KCNQ3: variants seen among roughly 807,000 people sequenced by gnomAD.
The protein encoded by KCNQ3 is potassium voltage-gated channel subfamily Q member 3, also known as potassium voltage-gated channel subfamily KQT member 3.
A neutral mutation model predicts 92.5 loss-of-function variants in KCNQ3; 30 were observed. The observed-to-expected ratio is 0.32, with a 90% CI of 0.24 to 0.44. The LOEUF is 0.44. Ranked by LOEUF, KCNQ3 falls within the 20% of genes least tolerant of loss-of-function variation. The probability of loss-of-function intolerance (pLI) is 1.00; values close to 1 mark genes in which losing one functional copy is unlikely to be tolerated. For missense variants in KCNQ3, 913 were observed against 1,140.3 expected, an observed-to-expected ratio of 0.80 and a Z score of 2.87; for synonymous variants, 450 against 468.8, an observed-to-expected ratio of 0.96 and a Z score of 0.52.
At chr8:132,325,597 G>T in intron 1 of KCNQ3, among the ~76,000 whole-genome samples, 1 of 152,196 alleles carries the variant, frequency 6.6e-6, no homozygotes, top group East Asian at 1.9e-4. Context: ...ACAGAGGAAA[G>T]AAAATGTGAA....
At chr8:132,349,152 A>T (rs1205121722) in intron 1 of KCNQ3, among the ~76,000 whole-genome samples, 1 of 152,166 alleles carries the variant, frequency 6.6e-6, no homozygotes, top group Non-Finnish European at 1.5e-5. Flanking sequence ...TCAGAGCTGG[A>T]AGAGACTCAT....
intron 1 of KCNQ3, among the ~76,000 whole-genome samples, chr8:132,299,453 A>G (rs1817148612): frequency 6.6e-6 from 1 of 152,116 alleles, no homozygotes; most frequent in African/African-American, 2.4e-5. Flanking sequence ...ATTCTGACAA[A>G]CATCCAGGGT....
chr8:132,359,107 T>C (rs1458222799), intron 1 of KCNQ3, among the ~76,000 whole-genome samples: 1 of 152,186 alleles, frequency 6.6e-6, no homozygotes, highest in Non-Finnish European at 1.5e-5. Context: ...ATCTGTCTAT[T>C]GGGAACAGTA....
chr8:132,136,397 G>GT (rs1016339183), intron 12 of KCNQ3, among the ~76,000 whole-genome samples: 21 of 151,828 alleles, frequency 1.4e-4, no homozygotes, highest in African/African-American at 4.6e-4. Context: ...ATAACTGCCC[G>GT]TTTTTACAAA....
chr8:132,163,299 C>A (rs1331221986), intron 9 of KCNQ3, among the ~76,000 whole-genome samples, 169 bp downstream of exon 9: 1 of 152,138 alleles, frequency 6.6e-6, no homozygotes, highest in East Asian at 1.9e-4. Flanking sequence ...TCCCTCAGAT[C>A]AACCAGAAGG....
rs183207978 is a variant in KCNQ3, at chr8:132,239,980, A to T, written c.387-53799T>A. The stretch of plus-strand genomic sequence containing the variant: ...CCTTTGAGGCACTCAGACAGTATTT[A>T]AATATTGATTCTGCTACCTATTTTA... On this transcript the variant is annotated intron_variant, in intron 1 of 14. Transcript: ENST00000388996. Among the ~76,000 whole-genome samples the T allele has an allele frequency of 7.9e-4, 121 of 152,306 alleles. 1 individual carries two copies. Among genetic ancestry groups the T allele is most frequent in the Admixed American group, 3.7e-3 (57 of 15,302 alleles).
intron 1 of KCNQ3, among the ~76,000 whole-genome samples, chr8:132,285,525 A>G (rs6992659): frequency 0.59 from 89,677 of 152,086 alleles, 27,390 homozygotes; most frequent in East Asian, 0.82. Context: ...GTGCTCAGGC[A>G]GATGTATGGT....
intron 1 of KCNQ3, among the ~76,000 whole-genome samples, chr8:132,391,684 TC>T (rs1223110719): frequency 6.6e-6 from 1 of 151,932 alleles, no homozygotes; most frequent in African/African-American, 2.4e-5. Context: ...GAAAACATCT[TC>T]CCCCTCCCAA....
intron 1 of KCNQ3, among the ~76,000 whole-genome samples, chr8:132,411,798 A>C (rs1310512063): frequency 6.6e-6 from 1 of 152,188 alleles, no homozygotes; most frequent in African/African-American, 2.4e-5. Context: ...TTCTCTAAGC[A>C]CAAGGACAAG....
At position 132,142,222 on chromosome 8, in the gene KCNQ3, A is replaced by G. The variant is rs528260411; in HGVS notation, c.1263-891T>C. 2.0e-5 allele frequency among the ~76,000 whole-genome samples: 3 copies of G among 152,314 alleles called. No individual in the cohort carries two copies. The East Asian group carries it at 5.8e-4, about 29-fold the overall frequency. On this transcript the variant is annotated intron_variant, in intron 9 of 14. Transcript: ENST00000388996. ...GGTCCATGGGCTTCATGATACTTCT[A>G]GAAGAGTTCCTGGTACAAAGAAAAT...
chr8:132,203,106 G>A (rs1320314916), intron 1 of KCNQ3, among the ~76,000 whole-genome samples: 1 of 152,122 alleles, frequency 6.6e-6, no homozygotes, highest in Non-Finnish European at 1.5e-5. Context: ...GCAAGAGAGG[G>A]CCAAACTCAC....
chr8:132,443,928 T>C (rs780429075), intron 1 of KCNQ3, among the ~76,000 whole-genome samples: 12 of 152,160 alleles, frequency 7.9e-5, no homozygotes, highest in Non-Finnish European at 1.2e-4. Context: ...CTCAGCACTT[T>C]ATAAATAATA....
chr8:132,239,049 C>T (rs1814906313), intron 1 of KCNQ3, among the ~76,000 whole-genome samples: 1 of 152,182 alleles, frequency 6.6e-6, no homozygotes, highest in African/African-American at 2.4e-5. Flanking sequence ...GACCCAAAGT[C>T]TTGGCAGAAT....
chr8:132,171,913 T>C (rs1217824060), intron 7 of KCNQ3, among the ~76,000 whole-genome samples: 1 of 151,610 alleles, frequency 6.6e-6, no homozygotes, highest in Non-Finnish European at 1.5e-5. Context: ...CCCAGAACTC[T>C]GGGAGGCCAA....
At chr8:132,369,794 A>T (rs144283049) in intron 1 of KCNQ3, among the ~76,000 whole-genome samples, 2 of 152,208 alleles carry the variant, frequency 1.3e-5, no homozygotes, top group Non-Finnish European at 2.9e-5. Flanking sequence ...CACACCTGGC[A>T]TTATAAGCTC....
In KCNQ3 at chr8:132,163,484, G is replaced by A; in HGVS notation, c.1246C>T (p.Leu416=). The part of the protein sequence containing the change: ...VSFPFFRKEQ[L]EAASSQKLGL... ...GAAACTTACCTGGATGCTGCCTCCAGCTGTTCTTTCCTAGAAAGAGAAGAG... is the reference window on the plus strand; with the variant it reads ...GAAACTTACCTGGATGCTGCCTCCAACTGTTCTTTCCTAGAAAGAGAAGAG... Residue 416 remains leucine, a synonymous_variant, in exon 9 of 15, where the codon CTG becomes TTG. Coordinates refer to ENST00000388996, the MANE Select transcript of KCNQ3 (RefSeq NM_004519.4). 1 of 1,612,048 alleles carries A rather than the reference G, an allele frequency of 6.2e-7. No individual in the cohort carries two copies. Among genetic ancestry groups the A allele is most frequent in the Non-Finnish European group, 8.5e-7 (1 of 1,178,126 alleles).
chr8:132,336,501 G>T (rs1308284098), intron 1 of KCNQ3, among the ~76,000 whole-genome samples: 2 of 152,180 alleles, frequency 1.3e-5, no homozygotes, highest in Non-Finnish European at 2.9e-5. Context: ...CAAACAGTAG[G>T]TGACCACAAA....
intron 1 of KCNQ3, among the ~76,000 whole-genome samples, chr8:132,282,649 C>T (rs1454131270): frequency 6.6e-6 from 1 of 152,186 alleles, no homozygotes; most frequent in African/African-American, 2.4e-5. Context: ...GGCTGCTTGG[C>T]ATAGGGCTGC....
chr8:132,163,375 C>T (rs1826048416), intron 9 of KCNQ3, 93 bp downstream of exon 9: 8 of 1,030,512 alleles, frequency 7.8e-6, no homozygotes, highest in South Asian at 1.3e-5. Context: ...TTGGGACCAG[C>T]ATGACCTCCC....
Sources: allele counts gnomAD v4.1 joint callset (sites outside exome capture counted in the v4.1 genomes callset), GRCh38; gene constraint gnomAD v4.1.1; transcripts MANE v1.5; gene names NCBI Gene and HGNC (gene_info 2026-07-23, HGNC 2026-07-21).